RSAD1: variants seen among roughly 807,000 people sequenced by gnomAD.
The protein encoded by RSAD1 is radical S-adenosyl methionine domain-containing protein 1, mitochondrial.
Under a neutral mutation model 46.2 loss-of-function variants are expected in RSAD1, and 34 were observed. The observed-to-expected ratio is 0.74, with a 90% confidence interval of 0.56 to 0.98. The LOEUF is 0.98. Among genes scored for constraint, RSAD1 ranks in the 50% least tolerant of loss-of-function variants. The probability of loss-of-function intolerance (pLI) is 0.00; values close to 1 mark genes in which losing one functional copy is unlikely to be tolerated. For missense variants in RSAD1, 635 were observed against 592.3 expected (o/e 1.07, Z -0.75); for synonymous variants, 260 against 253.5 (o/e 1.03, Z -0.24).
intron 3 of RSAD1, among the ~76,000 whole-genome samples, chr17:50,481,373 C>T (rs2033378576): frequency 2.0e-5 from 3 of 152,196 alleles, no homozygotes; most frequent in Admixed American, 2.0e-4. Context: ...GAAATACACA[C>T]CTAAGTATTT....
rs1452572339 is a variant in RSAD1 at position 50,484,776 on chromosome 17, T to C, written c.1244T>C (p.Val415Ala). ...GLRCSWEGLAVLDSLLLTLLP... is the reference protein window; with the variant it reads ...GLRCSWEGLAALDSLLLTLLP... ...CGGTGTTCCTGGGAGGGTCTGGCTGTGCTGGACTCTCTCTTGCTGACCCTC... is the reference window on the plus strand; with the variant it reads ...CGGTGTTCCTGGGAGGGTCTGGCTGCGCTGGACTCTCTCTTGCTGACCCTC... Residue 415 changes from valine to alanine, a missense_variant, in exon 9 of 9, where the codon GTG (valine) becomes GCG (alanine). Coordinates refer to ENST00000258955, the MANE Select transcript of RSAD1 (RefSeq NM_018346.3). The C allele has an allele frequency of 6.2e-7, 1 of 1,614,088 alleles. No individual in the cohort carries two copies. The highest frequency in any genetic ancestry group is 1.7e-5 in the Admixed American group (1 of 60,018).
rs1276434875 is a variant in RSAD1, at chr17:50,482,328, G to A, written c.712G>A (p.Ala238Thr). Residue 238 changes from alanine (A) to threonine (T), a missense_variant, in exon 4 of 9, where the codon GCC becomes ACC. Ala to Thr is a moderately conservative substitution (Grantham distance 58). Coordinates refer to ENST00000258955, the MANE Select transcript of RSAD1 (RefSeq NM_018346.3). ...LSLERGTALF[A>T]QVQRGALPAP... is the part of the protein sequence containing the mutation. ...CCTGGAGCGGGGCACCGCACTCTTC[G>A]CCCAGGTGCAGCGGGGTGCCCTTCC... 1.9e-6 allele frequency: 3 copies of A among 1,612,224 alleles called. No individual in the cohort carries two copies. The highest frequency in any genetic ancestry group is 2.2e-5 in the East Asian group (1 of 44,854).
Position 50,484,810 on chromosome 17 carries a change from G to T in RSAD1, c.1278G>T (p.Gln426His), listed in dbSNP as rs1368856332. The T allele has an allele frequency of 2.5e-6, 4 of 1,614,090 alleles. No individual in the cohort carries two copies. Among genetic ancestry groups the T allele is most frequent in the Non-Finnish European group, 3.4e-6 (4 of 1,179,996 alleles). The change falls in exon 9 of 9, where the codon CAG becomes CAT. Residue 426 changes from glutamine to histidine, a missense_variant. Gln to His is a conservative substitution (Grantham distance 24). Coordinates refer to ENST00000258955, the MANE Select transcript of RSAD1 (RefSeq NM_018346.3). ...CTCTCTTGCTGACCCTCCTGCCTCA[G>T]CTCCAAGAAGCCTGGCAGCAGAGAA... ...LDSLLLTLLP[Q>H]LQEAWQQRTP...
intron 7 of RSAD1, 46 bp downstream of exon 7, chr17:50,483,806 C>G: frequency 6.5e-7 from 1 of 1,543,834 alleles, no homozygotes; most frequent in Non-Finnish European, 8.8e-7. Context: ...TAAAGTCTTG[C>G]AGAATCAATG....
At position 50,485,145 on chromosome 17, in the gene RSAD1, A is replaced by C. The variant is rs1598445729; in HGVS notation, c.*284A>C. 2 of 456,360 alleles carry C rather than the reference A, an allele frequency of 4.4e-6. No homozygotes were observed. The highest frequency in any genetic ancestry group is 3.4e-5 in the East Asian group (1 of 29,540). 28.3% of individuals were successfully genotyped at this position (456,360 alleles called of 1,614,324 possible). ...AGCTTCTGTTTACCTTTTTGGCATC[A>C]AATAATGAACAGTGTTTGGAAATCT... On this transcript the variant is annotated 3_prime_UTR_variant, in exon 9 of 9. Coordinates refer to ENST00000258955, the MANE Select transcript of RSAD1 (RefSeq NM_018346.3).
intron 3 of RSAD1, among the ~76,000 whole-genome samples, chr17:50,481,465 G>T (rs940333573): frequency 1.3e-5 from 2 of 152,214 alleles, no homozygotes; most frequent in African/African-American, 4.8e-5. Context: ...TTGAAATGTG[G>T]TAAGTTAAGT....
chr17:50,482,698 T>C lies in RSAD1; in HGVS notation c.896T>C (p.Val299Ala), dbSNP rs1386553528. The C allele has an allele frequency of 3.1e-6, 5 of 1,614,004 alleles. No individual in the cohort carries two copies. Among genetic ancestry groups the C allele is most frequent in the East Asian group, 2.2e-5 (1 of 44,892 alleles). ...TYWQCGQYLG[V>A]GPGAHGRFMP... ...TGGCAGTGTGGTCAGTACCTTGGCG[T>C]TGGGCCTGGTGAGTCCCGTGAACTA... The change falls in exon 5 of 9, where the codon GTT (valine) becomes GCT (alanine). Residue 299 changes from valine (V) to alanine (A), a missense_variant. Transcript: ENST00000258955.
rs146829334 is a variant in RSAD1 at position 50,482,138 on chromosome 17, C to T, written c.522C>T (p.Ala174=). The T allele has an allele frequency of 2.5e-6, 4 of 1,590,592 alleles. No individual in the cohort carries two copies. The highest frequency in any genetic ancestry group is 1.1e-5 in the South Asian group (1 of 88,712). Residue 174 remains alanine (A), a synonymous_variant, in exon 4 of 9, where the codon GCC becomes GCT. Coordinates refer to ENST00000258955, the MANE Select transcript of RSAD1 (RefSeq NM_018346.3). ...ELRLLGRTHS[A]CDALRTLAEA... ...GGCTGTTGGGACGGACGCACTCGGC[C>T]TGCGATGCTCTGCGGACGCTGGCAG...
At chr17:50,483,252 C>A in intron 5 of RSAD1, 88 bp from the exon 6 acceptor site, 5 of 1,225,722 alleles carry the variant, frequency 4.1e-6, no homozygotes, top group South Asian at 1.7e-5. Flanking sequence ...ATGTTAGAGG[C>A]AGTTGCTCCA....
chr17:50,482,470 C>A lies in RSAD1; in HGVS notation c.840+14C>A. The A allele has an allele frequency of 1.3e-6, 2 of 1,595,988 alleles. No homozygotes were observed. The highest frequency in any genetic ancestry group is 1.7e-5 in the Admixed American group (1 of 58,910). ...TTTGCCCGGAATGTAAGTTCTGGGG[C>A]TGATGGCTGGAGGTGGAGGATGGGC... On this transcript the variant is annotated intron_variant, in intron 4 of 8. Coordinates refer to ENST00000258955, the MANE Select transcript of RSAD1 (RefSeq NM_018346.3).
Position 50,483,373 on chromosome 17 carries a change from G to A in RSAD1, c.938G>A (p.Gly313Glu). The change falls in exon 6 of 9, where the codon GGA becomes GAA. Residue 313 changes from glycine to glutamate, a missense_variant. By Grantham distance (98) the Gly-to-Glu change is moderately conservative (BLOSUM62 -2). Transcript: ENST00000258955. Reference protein sequence around the residue: ...AHGRFMPQGAGGHTREARIQT... With the variant: ...AHGRFMPQGAEGHTREARIQT... The stretch of plus-strand genomic sequence containing the variant: ...GGACGATTTATGCCCCAGGGGGCTG[G>A]AGGCCACACCCGGGAGGCTCGGATC... 2 of 1,614,034 alleles carry A rather than the reference G, an allele frequency of 1.2e-6. No individual in the cohort carries two copies. Among genetic ancestry groups the A allele is most frequent in the Non-Finnish European group, 1.7e-6 (2 of 1,179,980 alleles).
At chr17:50,480,679 T>A (rs2033370710) in intron 3 of RSAD1, 1 of 155,716 alleles carries the variant, frequency 6.4e-6, no homozygotes, top group Non-Finnish European at 1.4e-5. Flanking sequence ...GGAGTGTGGG[T>A]TTTGTCCTAG....
At chr17:50,483,119 G>A (rs1277218783) in intron 5 of RSAD1, among the ~76,000 whole-genome samples, 2 of 128,292 alleles carry the variant, frequency 1.6e-5, no homozygotes, top group African/African-American at 6.1e-5. Context: ...TGGAAAGATC[G>A]TTTGACCCCA....
rs1874054557 is a variant in RSAD1, at chr17:50,484,775, G to C, written c.1243G>C (p.Val415Leu). The C allele has an allele frequency of 6.2e-7, 1 of 1,614,116 alleles. No homozygotes were observed. The highest frequency in any genetic ancestry group is 1.1e-5 in the South Asian group (1 of 91,080). The change falls in exon 9 of 9, where the codon GTG becomes CTG. Residue 415 changes from valine (V) to leucine (L), a missense_variant. Coordinates refer to ENST00000258955, the MANE Select transcript of RSAD1 (RefSeq NM_018346.3). ...TCGGTGTTCCTGGGAGGGTCTGGCT[G>C]TGCTGGACTCTCTCTTGCTGACCCT... ...GLRCSWEGLA[V>L]LDSLLLTLLP...
chr17:50,480,785 C>T (rs1215811471), intron 3 of RSAD1, among the ~76,000 whole-genome samples: 3 of 152,148 alleles, frequency 2.0e-5, no homozygotes, highest in Non-Finnish European at 4.4e-5. Context: ...GGGTTGTGGG[C>T]TTTGTTCTGA....
At chr17:50,483,677 C>T (rs754533180) in intron 6 of RSAD1, 29 bp from the exon 7 acceptor site, 1 of 1,613,402 alleles carries the variant, frequency 6.2e-7, no homozygotes, top group South Asian at 1.1e-5. Context: ...GGCCTCCTCT[C>T]TAAGACTCCT....
chr17:50,480,320 G>A, intron 3 of RSAD1: 1 of 552,372 alleles, frequency 1.8e-6, no homozygotes, highest in Non-Finnish European at 3.3e-6. Context: ...TTACCATAGT[G>A]CCTGGCACAT....
At chr17:50,479,819 G>T (rs1004390154) in intron 2 of RSAD1, 57 bp downstream of exon 2, 15 of 1,589,302 alleles carry the variant, frequency 9.4e-6, no homozygotes, top group Middle Eastern at 1.7e-4. Flanking sequence ...AGTGGTGGGG[G>T]ATAGGTGCAG....
intron 4 of RSAD1, 64 bp downstream of exon 4, chr17:50,482,520 G>T (rs1225248479): frequency 1.2e-6 from 2 of 1,609,174 alleles, no homozygotes; most frequent in African/African-American, 2.7e-5. Flanking sequence ...CCAGGGCGTT[G>T]TGACCTTCTG....
Sources: allele counts gnomAD v4.1 joint callset (sites outside exome capture counted in the v4.1 genomes callset), GRCh38; gene constraint gnomAD v4.1.1; transcripts MANE v1.5; gene names NCBI Gene and HGNC (gene_info 2026-07-23, HGNC 2026-07-21).